Variants in DIP2C observed in about 807,000 individuals in gnomAD.
The protein encoded by DIP2C is disco-interacting protein 2 homolog C.
DIP2C carries 33 observed loss-of-function variants against 192.4 expected under a neutral mutation model. The ratio of observed to expected loss-of-function variants is 0.17; its 90% confidence interval spans 0.13 to 0.23. The LOEUF (loss-of-function observed/expected upper bound fraction) is 0.23. Ranked by LOEUF, DIP2C falls within the 10% of genes least tolerant of loss-of-function variation. The pLI, the probability that DIP2C is intolerant of heterozygous loss-of-function variation, is 1.00. For missense variants in DIP2C, 1,537 were observed against 2,110.1 expected (o/e 0.73, Z 5.32); for synonymous variants, 979 against 864.1 (o/e 1.13, Z -2.33).
intron 3 of DIP2C, among the ~76,000 whole-genome samples, chr10:445,300 G>A (rs1211547106): frequency 6.6e-6 from 1 of 151,804 alleles, no homozygotes; most frequent in Non-Finnish European, 1.5e-5. Context: ...ATCTTGCACT[G>A]GACATCTGTA....
rs576244690 is a variant in DIP2C, at chr10:535,854, G to C, written c.86-49324C>G. Among the ~76,000 whole-genome samples the C allele has an allele frequency of 2.6e-4, 40 of 152,338 alleles. 1 individual carries two copies. The South Asian group carries it at 7.7e-3, about 29-fold the overall frequency. Reference sequence around the variant, plus strand: ...CACATTTGCTCTTGCAGTGTACTCTGAGAATTAGGTCAAAATAATTATTAT... The same window carrying C: ...CACATTTGCTCTTGCAGTGTACTCTCAGAATTAGGTCAAAATAATTATTAT... On this transcript the variant is annotated intron_variant, in intron 1 of 36. Coordinates refer to ENST00000280886, the MANE Select transcript of DIP2C (RefSeq NM_014974.3).
chr10:317,845 C>G (rs3132011), intron 31 of DIP2C, among the ~76,000 whole-genome samples: 118,037 of 152,186 alleles, frequency 0.78, 46,738 homozygotes, highest in Non-Finnish European at 0.85. Context: ...TCCAAAAACA[C>G]TGGTAGAATT....
intron 24 of DIP2C, among the ~76,000 whole-genome samples, chr10:350,831 G>C (rs1958763316): frequency 6.6e-6 from 1 of 152,082 alleles, no homozygotes; most frequent in Non-Finnish European, 1.5e-5. Context: ...ATTTTTAGTA[G>C]AAATGGGGGT....
At chr10:556,609 G>A (rs1433151911) in intron 1 of DIP2C, among the ~76,000 whole-genome samples, 1 of 151,644 alleles carries the variant, frequency 6.6e-6, no homozygotes, top group Non-Finnish European at 1.5e-5. Flanking sequence ...ATAGACACAT[G>A]AAACAAACCC....
intron 1 of DIP2C, among the ~76,000 whole-genome samples, chr10:635,303 C>T (rs1854765570): frequency 6.6e-6 from 1 of 152,252 alleles, no homozygotes; most frequent in East Asian, 1.9e-4. Flanking sequence ...CACTGAAGTC[C>T]ATCAGCGTCT....
chr10:515,319 C>T (rs886966666), intron 1 of DIP2C, among the ~76,000 whole-genome samples: 5 of 152,214 alleles, frequency 3.3e-5, no homozygotes, highest in African/African-American at 1.2e-4. Flanking sequence ...ATATTTTTAA[C>T]ATATGCATAG....
At chr10:429,676 G>A (rs1400705927) in intron 4 of DIP2C, among the ~76,000 whole-genome samples, 1 of 151,518 alleles carries the variant, frequency 6.6e-6, no homozygotes, top group Non-Finnish European at 1.5e-5. Context: ...AGTGAAAGAA[G>A]TCAATTTAAG....
intron 1 of DIP2C, among the ~76,000 whole-genome samples, chr10:683,468 T>G (rs1831202514): frequency 6.6e-6 from 1 of 152,120 alleles, no homozygotes; most frequent in Non-Finnish European, 1.5e-5. Flanking sequence ...ATTAAAGCCC[T>G]GGAGGTGGAG....
intron 1 of DIP2C, among the ~76,000 whole-genome samples, chr10:681,510 C>T (rs1417190080): frequency 1.3e-5 from 2 of 151,986 alleles, no homozygotes; most frequent in African/African-American, 2.4e-5. Flanking sequence ...CACCTGCGGC[C>T]ACAGAAATTC....
intron 1 of DIP2C, among the ~76,000 whole-genome samples, chr10:628,114 C>T (rs187207577): frequency 5.3e-4 from 80 of 152,336 alleles, no homozygotes; most frequent in Admixed American, 1.2e-3. Flanking sequence ...CCTAACCAAG[C>T]AAGAAACTGA....
rs142362605 is a variant in DIP2C, at chr10:414,012, G to A, written c.958C>T (p.Leu320=). 101 of 1,614,000 alleles carry A rather than the reference G, an allele frequency of 6.3e-5. No homozygotes were observed. Among genetic ancestry groups the A allele is most frequent in the Non-Finnish European group, 8.2e-5 (97 of 1,180,006 alleles). Residue 320 remains leucine (L), a synonymous_variant, in exon 8 of 37, where the codon CTG becomes TTG. Coordinates refer to ENST00000280886, the MANE Select transcript of DIP2C (RefSeq NM_014974.3). ...CCCCACCTCTGCAGTGCGGCCTCCAGCGACGGCGGCCAGTTCGTGACCACG... is the reference window on the plus strand; with the variant it reads ...CCCCACCTCTGCAGTGCGGCCTCCAACGACGGCGGCCAGTTCGTGACCACG... ...LGVVTNWPPS[L]EAALQRWGTI...
intron 32 of DIP2C, among the ~76,000 whole-genome samples, chr10:292,520 CCT>C (rs1054915056): frequency 2.9e-4 from 44 of 152,344 alleles, no homozygotes; most frequent in Admixed American, 1.5e-3. Context: ...CTTGCCCTGT[CCT>C]TGAACTGCCC....
intron 1 of DIP2C, among the ~76,000 whole-genome samples, chr10:579,879 ATG>A (rs988791201): frequency 3.4e-4 from 51 of 151,886 alleles, no homozygotes; most frequent in African/African-American, 1.1e-3. Flanking sequence ...ACTATAACAC[ATG>A]TACATGCATC....
intron 31 of DIP2C, among the ~76,000 whole-genome samples, chr10:310,691 C>T (rs1956530735): frequency 6.6e-6 from 1 of 152,188 alleles, no homozygotes; most frequent in African/African-American, 2.4e-5. Flanking sequence ...CTGAGCCATT[C>T]CACTGGGCTG....
chr10:611,208 C>CT (rs1491066330), intron 1 of DIP2C, among the ~76,000 whole-genome samples: 2 of 143,976 alleles, frequency 1.4e-5, no homozygotes, highest in African/African-American at 4.9e-5. Context: ...TTCACTCTCT[C>CT]TTTCCGGCCA....
chr10:514,116 G>T (rs1321219487), intron 1 of DIP2C, among the ~76,000 whole-genome samples: 1 of 152,178 alleles, frequency 6.6e-6, no homozygotes, highest in African/African-American at 2.4e-5. Context: ...GGCCACCTCG[G>T]GGGGACAGAG....
rs143317583 is a variant in DIP2C at position 589,497 on chromosome 10, C to T, written c.85+99997G>A. ...CAGGGTTATGGTCCACCTTAATTTT[C>T]ATACAGGAATTTCTCCTTGTTTTCA... On this transcript the variant is annotated intron_variant, in intron 1 of 36. Transcript: ENST00000280886. Among the ~76,000 whole-genome samples, 904 of 152,230 alleles carry T rather than the reference C, an allele frequency of 5.9e-3. 12 individuals carry two copies. The highest frequency in any genetic ancestry group is 0.021 in the African/African-American group (853 of 41,532).
At chr10:509,519 G>A (rs959109984) in intron 1 of DIP2C, among the ~76,000 whole-genome samples, 9 of 152,262 alleles carry the variant, frequency 5.9e-5, no homozygotes, top group African/African-American at 2.2e-4. Flanking sequence ...CTTCCGCAGC[G>A]GAAACTCACA....
At chr10:278,850 G>C (rs1377271823) in intron 36 of DIP2C, among the ~76,000 whole-genome samples, 2 of 152,132 alleles carry the variant, frequency 1.3e-5, no homozygotes, top group Non-Finnish European at 2.9e-5. Context: ...CCTGGTACTT[G>C]AGGTCTGCTT....
Sources: allele counts gnomAD v4.1 joint callset (sites outside exome capture counted in the v4.1 genomes callset), GRCh38; gene constraint gnomAD v4.1.1; transcripts MANE v1.5; gene names NCBI Gene and HGNC (gene_info 2026-07-23, HGNC 2026-07-21).